The following EIF4G3 variants were observed in gnomAD, a reference collection of about 807,000 sequenced individuals.
The protein encoded by EIF4G3 is eukaryotic translation initiation factor 4 gamma 3.
A neutral mutation model predicts 186.4 loss-of-function variants in EIF4G3; 34 were observed. That is an observed-to-expected ratio of 0.18 (90% CI 0.14 to 0.24). The LOEUF is 0.24. Among genes scored for constraint, EIF4G3 ranks in the 10% least tolerant of loss-of-function variants. The pLI, the probability that EIF4G3 is intolerant of heterozygous loss-of-function variation, is 1.00. For missense variants in EIF4G3, 1,536 were observed against 1,948.5 expected (o/e 0.79, Z 3.99); for synonymous variants, 673 against 679.5 (o/e 0.99, Z 0.15).
At chr1:21,033,682 C>T (rs1381856652) in intron 4 of EIF4G3, among the ~76,000 whole-genome samples, 1 of 152,178 alleles carries the variant, frequency 6.6e-6, no homozygotes, top group African/African-American at 2.4e-5. Context: ...TTATGTAATG[C>T]AGCCTTTATA....
intron 4 of EIF4G3, among the ~76,000 whole-genome samples, chr1:21,024,166 T>TGG (rs373710147): frequency 1.4e-5 from 2 of 143,022 alleles, no homozygotes; most frequent in African/African-American, 5.3e-5. Flanking sequence ...GGGAGGGAGG[T>TGG]GGGGGGGGGT....
Position 20,997,653 on chromosome 1 carries a change from CA to C in EIF4G3, c.145-21del, listed in dbSNP as rs1340774826. ...TGCAAACTGAGAAAAGGAGGGAAAACAAACACAAAAGGAAAGGCACAAAGAG... is the reference window on the plus strand; with the variant it reads ...TGCAAACTGAGAAAAGGAGGGAAAACAACACAAAAGGAAAGGCACAAAGAG... On this transcript the variant is annotated intron_variant, in intron 6 of 36. Coordinates refer to ENST00000602326, the MANE Select transcript of EIF4G3 (RefSeq NM_001391906.1). 2 of 1,534,004 alleles carry C rather than the reference CA, an allele frequency of 1.3e-6. No individual in the cohort carries two copies. Among genetic ancestry groups the C allele is most frequent in the East Asian group, 5.0e-5 (2 of 40,150 alleles).
chr1:20,957,721 C>A (rs1008725730), intron 12 of EIF4G3, among the ~76,000 whole-genome samples: 2 of 151,908 alleles, frequency 1.3e-5, no homozygotes, highest in Non-Finnish European at 2.9e-5. Flanking sequence ...GGAGACATTA[C>A]AACAAACACC....
At chr1:21,086,518 T>G (rs1316423759) in intron 3 of EIF4G3, among the ~76,000 whole-genome samples, 1 of 152,184 alleles carries the variant, frequency 6.6e-6, no homozygotes, top group Non-Finnish European at 1.5e-5. Flanking sequence ...TGCCTTCTCT[T>G]CTCTACCTAC....
intron 14 of EIF4G3, among the ~76,000 whole-genome samples, chr1:20,931,723 G>C (rs1191480668): frequency 6.6e-6 from 1 of 152,080 alleles, no homozygotes; most frequent in Non-Finnish European, 1.5e-5. Flanking sequence ...TCAAGAGATT[G>C]AGACCATCCT....
intron 2 of EIF4G3, among the ~76,000 whole-genome samples, chr1:21,150,525 C>T (rs1401836111): frequency 6.6e-6 from 1 of 152,146 alleles, no homozygotes; most frequent in Non-Finnish European, 1.5e-5. Flanking sequence ...TTAACAACAA[C>T]TCCCTTGATT....
At chr1:21,164,767 G>T (rs12745296) in intron 2 of EIF4G3, among the ~76,000 whole-genome samples, 1 of 152,126 alleles carries the variant, frequency 6.6e-6, no homozygotes, top group African/African-American at 2.4e-5. Flanking sequence ...GGGAAGCTTA[G>T]GTGGGAGGGC....
At chr1:20,911,639 T>A (rs1328386419) in intron 14 of EIF4G3, among the ~76,000 whole-genome samples, 1 of 141,350 alleles carries the variant, frequency 7.1e-6, no homozygotes, top group Non-Finnish European at 1.5e-5. Context: ...AATCCCAGAG[T>A]ATCCTACTAT....
At chr1:21,139,955 T>G (rs1321258153) in intron 2 of EIF4G3, among the ~76,000 whole-genome samples, 1 of 152,198 alleles carries the variant, frequency 6.6e-6, no homozygotes, top group East Asian at 1.9e-4. Flanking sequence ...TAAGACAGTA[T>G]TTTCTTCCAT....
At chr1:21,128,249 C>T (rs568062982) in intron 2 of EIF4G3, among the ~76,000 whole-genome samples, 2 of 150,206 alleles carry the variant, frequency 1.3e-5, no homozygotes, top group South Asian at 4.2e-4. Context: ...TGGCTCACTC[C>T]TATAATCCCA....
chr1:20,926,933 C>T (rs2094940902), intron 14 of EIF4G3, among the ~76,000 whole-genome samples: 4 of 151,668 alleles, frequency 2.6e-5, no homozygotes, highest in Admixed American at 2.6e-4. Flanking sequence ...TATCAATATG[C>T]ATAAAGTACT....
At chr1:20,922,672 C>G (rs888760495) in intron 14 of EIF4G3, among the ~76,000 whole-genome samples, 1 of 152,224 alleles carries the variant, frequency 6.6e-6, no homozygotes. Flanking sequence ...CTGGCTTTTA[C>G]CTTTTGGTCA....
intron 2 of EIF4G3, among the ~76,000 whole-genome samples, chr1:21,127,056 C>T (rs1279450051): frequency 2.0e-5 from 3 of 152,040 alleles, no homozygotes; most frequent in Admixed American, 6.6e-5. Context: ...AATGATGGCT[C>T]GCCACAGCTT....
chr1:21,142,230 T>C (rs1342429848), intron 2 of EIF4G3, among the ~76,000 whole-genome samples: 1 of 151,912 alleles, frequency 6.6e-6, no homozygotes. Context: ...TCAGGCATAA[T>C]GGCTCATGCC....
At chr1:20,853,466 C>A in intron 27 of EIF4G3, 94 bp downstream of exon 27, 1 of 717,108 alleles carries the variant, frequency 1.4e-6, no homozygotes, top group Non-Finnish European at 2.5e-6. Flanking sequence ...GGAATGCATC[C>A]ATAAGGATTG....
chr1:20,839,848 G>A (rs956597010), intron 30 of EIF4G3, among the ~76,000 whole-genome samples: 5 of 137,086 alleles, frequency 3.6e-5, no homozygotes, highest in African/African-American at 1.1e-4. Flanking sequence ...AAATGACTAC[G>A]GAAAAATATA....
At position 20,986,744 on chromosome 1, in the gene EIF4G3, C is replaced by CAAAAAAAAAAAA. The variant is rs61255473; in HGVS notation, c.178-4348_178-4337dup. 3.8e-4 allele frequency among the ~76,000 whole-genome samples: 25 copies of CAAAAAAAAAAAA among 66,316 alleles called. 1 individual carries two copies. Among genetic ancestry groups the CAAAAAAAAAAAA allele is most frequent in the South Asian group, 1.7e-3 (2 of 1,212 alleles). The allele number at this position is 66,316 out of a possible 152,430, so 43.5% of individuals were successfully genotyped here. A position where few individuals can be genotyped will look rare whatever the true frequency, so the allele number is the denominator to read the frequency against. ...AGCCTGGGCGACAGAGCTCTGTCTC[C>CAAAAAAAAAAAA]AAAAAAAAAAAAAAAAAAAAAAAAA... On this transcript the variant is annotated intron_variant, in intron 7 of 36. Coordinates refer to ENST00000602326, the MANE Select transcript of EIF4G3 (RefSeq NM_001391906.1).
chr1:21,107,583 T>C (rs1252136293), intron 2 of EIF4G3, among the ~76,000 whole-genome samples: 1 of 152,248 alleles, frequency 6.6e-6, no homozygotes, highest in Non-Finnish European at 1.5e-5. Flanking sequence ...TTAGCTATAA[T>C]CTTAATAGGT....
intron 2 of EIF4G3, among the ~76,000 whole-genome samples, chr1:21,093,607 A>G (rs1178805046): frequency 6.6e-6 from 1 of 152,180 alleles, no homozygotes; most frequent in African/African-American, 2.4e-5. Flanking sequence ...CTGGGTATAT[A>G]CCCAAAGGAT....
Sources: allele counts gnomAD v4.1 joint callset (sites outside exome capture counted in the v4.1 genomes callset), GRCh38; gene constraint gnomAD v4.1.1; transcripts MANE v1.5; gene names NCBI Gene and HGNC (gene_info 2026-07-23, HGNC 2026-07-21).